Variants in NRG3 observed in about 807,000 individuals in gnomAD.
NRG3 encodes the protein pro-neuregulin-3, membrane-bound isoform.
NRG3 carries 31 observed loss-of-function variants against 66.9 expected under a neutral mutation model. That is an observed-to-expected ratio of 0.46 (90% CI 0.35 to 0.63). The LOEUF (loss-of-function observed/expected upper bound fraction) is 0.63. NRG3 is among the 20% of genes least tolerant of loss of function. The probability of loss-of-function intolerance (pLI) is 0.00; values close to 1 mark genes in which losing one functional copy is unlikely to be tolerated. For missense variants in NRG3, 910 were observed against 878.9 expected (o/e 1.04, Z -0.45); for synonymous variants, 393 against 359.4 (o/e 1.09, Z -1.06).
At chr10:82,515,514 A>C (rs1395234119) in intron 2 of NRG3, among the ~76,000 whole-genome samples, 1 of 152,178 alleles carries the variant, frequency 6.6e-6, no homozygotes, top group African/African-American at 2.4e-5. Context: ...TCCTTTAGTT[A>C]CTATACAAAT....
At chr10:82,735,397 C>A (rs938016688) in intron 2 of NRG3, among the ~76,000 whole-genome samples, 17 of 152,070 alleles carry the variant, frequency 1.1e-4, no homozygotes, top group African/African-American at 3.9e-4. Context: ...TTGAGTGGAG[C>A]TTTGAAAGCA....
At chr10:82,708,841 C>T (rs1438854888) in intron 2 of NRG3, among the ~76,000 whole-genome samples, 2 of 152,024 alleles carry the variant, frequency 1.3e-5, no homozygotes, top group South Asian at 2.1e-4. Context: ...ACATTTGATT[C>T]CAGTCTCATT....
chr10:82,700,185 A>C (rs2055754412), intron 2 of NRG3, among the ~76,000 whole-genome samples: 1 of 152,184 alleles, frequency 6.6e-6, no homozygotes, highest in African/African-American at 2.4e-5. Flanking sequence ...CGCACACTAA[A>C]TATGGATTCA....
Position 82,865,448 on chromosome 10 carries a change from A to G in NRG3, c.1054+11A>G, listed in dbSNP as rs751777933. On this transcript the variant is annotated intron_variant, in intron 4 of 8. Coordinates refer to ENST00000372141, the MANE Select transcript of NRG3 (RefSeq NM_001010848.4). ...GGATTGAATTCATGGGTAAGACTAA[A>G]CAATTTGCTCATTTAATATCCTGGA... is the stretch of plus-strand genomic sequence containing the variant. The G allele has an allele frequency of 4.3e-6, 7 of 1,612,052 alleles. No individual in the cohort carries two copies. The highest frequency in any genetic ancestry group is 1.1e-5 in the South Asian group (1 of 90,700).
chr10:82,730,653 T>G (rs12776248), intron 2 of NRG3, among the ~76,000 whole-genome samples: 23,518 of 152,228 alleles, frequency 0.15, 2,284 homozygotes, highest in South Asian at 0.23. Context: ...AACAAGTGGT[T>G]AACTTAAAGA....
intron 1 of NRG3, among the ~76,000 whole-genome samples, chr10:82,343,515 T>G (rs1040735390): frequency 6.6e-6 from 1 of 152,080 alleles, no homozygotes; most frequent in African/African-American, 2.4e-5. Context: ...ATTACCAATG[T>G]CATTTTTCAC....
intron 1 of NRG3, among the ~76,000 whole-genome samples, chr10:82,154,751 T>A (rs1465348432): frequency 6.6e-6 from 1 of 151,366 alleles, no homozygotes; most frequent in Non-Finnish European, 1.5e-5. Context: ...ATTTTATCAA[T>A]TTTTTTTGGT....
chr10:82,073,235 C>CT (rs2064907808), intron 1 of NRG3, among the ~76,000 whole-genome samples: 1 of 152,072 alleles, frequency 6.6e-6, no homozygotes, highest in African/African-American at 2.4e-5. Context: ...TTCACTACTT[C>CT]TTAAGATAAA....
intron 1 of NRG3, among the ~76,000 whole-genome samples, chr10:82,132,518 T>TC (rs1554831257): frequency 4.6e-4 from 6 of 13,148 alleles, no homozygotes; most frequent in East Asian, 2.6e-3. Context: ...ATATATATGA[T>TC]ATATATGATA....
At chr10:82,614,884 A>G (rs528567516) in intron 2 of NRG3, among the ~76,000 whole-genome samples, 3 of 152,200 alleles carry the variant, frequency 2.0e-5, no homozygotes, top group African/African-American at 4.8e-5. Context: ...GTGCATACCT[A>G]TAATATATAT....
intron 1 of NRG3, among the ~76,000 whole-genome samples, chr10:82,146,774 G>T (rs755060252): frequency 6.6e-6 from 1 of 152,144 alleles, no homozygotes; most frequent in Non-Finnish European, 1.5e-5. Flanking sequence ...CAGATGGGTA[G>T]CCCCAGGGCT....
intron 1 of NRG3, among the ~76,000 whole-genome samples, chr10:82,282,925 C>T (rs374470259): frequency 3.3e-5 from 5 of 152,012 alleles, no homozygotes; most frequent in Admixed American, 6.5e-5. Flanking sequence ...CACTGGGGTC[C>T]GATCCTGGCC....
chr10:82,444,938 CAT>C (rs1398785603), intron 2 of NRG3, among the ~76,000 whole-genome samples: 1 of 152,094 alleles, frequency 6.6e-6, no homozygotes, highest in Non-Finnish European at 1.5e-5. Context: ...ATGCACGTAA[CAT>C]GTGAAAGAAT....
At chr10:82,581,169 A>C (rs1466555892) in intron 2 of NRG3, among the ~76,000 whole-genome samples, 2 of 151,832 alleles carry the variant, frequency 1.3e-5, no homozygotes, top group African/African-American at 4.8e-5. Flanking sequence ...TCATTTTGCA[A>C]TTCACTAATG....
chr10:82,759,221 G>T (rs2059205292), intron 3 of NRG3, among the ~76,000 whole-genome samples: 1 of 151,940 alleles, frequency 6.6e-6, no homozygotes, highest in South Asian at 2.1e-4. Flanking sequence ...TACGCAATCT[G>T]TTTGCATATG....
chr10:82,695,048 T>C (rs2055264527), intron 2 of NRG3, among the ~76,000 whole-genome samples: 1 of 152,162 alleles, frequency 6.6e-6, no homozygotes, highest in Non-Finnish European at 1.5e-5. Context: ...AATAGAATAT[T>C]GTATATTATT....
chr10:82,975,402 G>A (rs1270056603), intron 7 of NRG3, among the ~76,000 whole-genome samples: 2 of 152,100 alleles, frequency 1.3e-5, no homozygotes, highest in African/African-American at 4.8e-5. Flanking sequence ...ATATGTTTGA[G>A]CTGCAATATT....
intron 1 of NRG3, among the ~76,000 whole-genome samples, chr10:81,933,074 C>T (rs977865195): frequency 6.8e-6 from 1 of 147,222 alleles, no homozygotes; most frequent in Non-Finnish European, 1.5e-5. Flanking sequence ...TGCCACTGCA[C>T]TCCAGCCTGG....
At chr10:82,203,264 A>G (rs1232736316) in intron 1 of NRG3, among the ~76,000 whole-genome samples, 1 of 152,116 alleles carries the variant, frequency 6.6e-6, no homozygotes, top group African/African-American at 2.4e-5. Flanking sequence ...TCTAATAAAT[A>G]CTCATTGGAA....
Sources: gnomAD v4.1 joint callset for allele counts (sites outside exome capture counted in the v4.1 genomes callset) on GRCh38, gnomAD v4.1.1 for gene constraint, MANE v1.5 for transcripts, NCBI Gene and HGNC (gene_info 2026-07-23, HGNC 2026-07-21) for gene names.